Variants in TRPM7 observed in about 807,000 individuals in gnomAD.
TRPM7 encodes LTRPC ion channel family member 7.
A neutral mutation model predicts 229.7 loss-of-function variants in TRPM7; 134 were observed. The ratio of observed to expected loss-of-function variants is 0.58; its 90% confidence interval spans 0.51 to 0.67. TRPM7 has a LOEUF of 0.67. TRPM7 is among the 30% of genes least tolerant of loss of function. The pLI, the probability that TRPM7 is intolerant of heterozygous loss-of-function variation, is 0.00. For synonymous variants in TRPM7, 699 were observed against 715.2 expected, an observed-to-expected ratio of 0.98 and a Z score of 0.36; for missense variants, 1,901 against 2,210.0, an observed-to-expected ratio of 0.86 and a Z score of 2.80.
chr15:50,562,775 A>AC (rs2141422775), intron 38 of TRPM7, among the ~76,000 whole-genome samples: 1 of 151,032 alleles, frequency 6.6e-6, no homozygotes, highest in African/African-American at 2.4e-5. Flanking sequence ...CCTGTCTCAA[A>AC]AAAAAAAAAA....
At chr15:50,654,810 A>G (rs1334790364) in intron 3 of TRPM7, among the ~76,000 whole-genome samples, 1 of 145,634 alleles carries the variant, frequency 6.9e-6, no homozygotes, top group African/African-American at 2.5e-5. Context: ...ATCCTGGCTA[A>G]TAAGGTGAAA....
chr15:50,603,275 TAGC>T (rs992440261), intron 21 of TRPM7, among the ~76,000 whole-genome samples: 1 of 152,118 alleles, frequency 6.6e-6, no homozygotes, highest in Non-Finnish European at 1.5e-5. Flanking sequence ...CTTGTGAGCT[TAGC>T]AGGGTTACTC....
At chr15:50,663,849 GC>G (rs1415495401) in intron 1 of TRPM7, among the ~76,000 whole-genome samples, 1 of 152,132 alleles carries the variant, frequency 6.6e-6, no homozygotes, top group Non-Finnish European at 1.5e-5. Flanking sequence ...TGTAGTCCCA[GC>G]TACTTGGAAG....
At position 50,558,027 on chromosome 15, in the gene TRPM7, T is replaced by C. The variant is rs551409908; in HGVS notation, c.*3651A>G. 4 of 152,336 alleles carry C rather than the reference T, an allele frequency of 2.6e-5. No homozygotes were observed. Among genetic ancestry groups the C allele is most frequent in the African/African-American group, 9.6e-5 (4 of 41,570 alleles). The allele number at this position is 152,336 out of a possible 1,614,324, so 9.4% of individuals were successfully genotyped here. A position where few individuals can be genotyped will look rare whatever the true frequency, so the allele number is the denominator to read the frequency against. ...GTTGAGAATAAAAAATTAAAAAGATTAAGCAAATGACACTTTCACATCATA... is the reference window on the plus strand; with the variant it reads ...GTTGAGAATAAAAAATTAAAAAGATCAAGCAAATGACACTTTCACATCATA... On this transcript the variant is annotated 3_prime_UTR_variant, in exon 39 of 39. Coordinates refer to ENST00000646667, the MANE Select transcript of TRPM7 (RefSeq NM_017672.6).
intron 31 of TRPM7, among the ~76,000 whole-genome samples, chr15:50,577,498 G>T (rs2054191865): frequency 6.6e-6 from 1 of 152,134 alleles, no homozygotes; most frequent in Non-Finnish European, 1.5e-5. Flanking sequence ...AGTGAGCCAA[G>T]ATCACACCAC....
intron 9 of TRPM7, among the ~76,000 whole-genome samples, chr15:50,632,089 G>A (rs1441419880): frequency 6.6e-6 from 1 of 152,100 alleles, no homozygotes; most frequent in African/African-American, 2.4e-5. Flanking sequence ...GATCACGTGA[G>A]GTTAGGAGTT....
rs2059526387 is a variant in TRPM7, at chr15:50,592,336, G to A, written c.3899C>T (p.Ser1300Phe). 1.9e-6 allele frequency: 3 copies of A among 1,613,914 alleles called. No individual in the cohort carries two copies. Among genetic ancestry groups the A allele is most frequent in the Non-Finnish European group, 2.5e-6 (3 of 1,179,962 alleles). Reference sequence around the variant, plus strand: ...TTCAAGATCACCTTGAGGAAGAGAGGAGCTAAGTGTATTTACAACACCATG... The same window carrying A: ...TTCAAGATCACCTTGAGGAAGAGAGAAGCTAAGTGTATTTACAACACCATG... ...KKHGVVNTLS[S>F]SLPQGDLESN... The change falls in exon 26 of 39, where the codon TCC becomes TTC. Residue 1300 changes from serine to phenylalanine, a missense_variant. Physicochemically the swap from Ser to Phe is radical, Grantham distance 155 (BLOSUM62 -2). Coordinates refer to ENST00000646667, the MANE Select transcript of TRPM7 (RefSeq NM_017672.6).
At chr15:50,574,786 A>G in intron 34 of TRPM7, 66 bp downstream of exon 34, 14 of 1,587,820 alleles carry the variant, frequency 8.8e-6, no homozygotes, top group Non-Finnish European at 1.2e-5. Flanking sequence ...TGGCTTATTG[A>G]TATTTCAGAA....
intron 12 of TRPM7, among the ~76,000 whole-genome samples, chr15:50,621,157 CAAAA>C (rs35848629): frequency 1.2e-4 from 6 of 51,848 alleles, no homozygotes; most frequent in Non-Finnish European, 2.3e-4. Flanking sequence ...GACTCCGTCT[CAAAA>C]AAAAAAAAAA....
chr15:50,645,987 C>T (rs2061251746), intron 4 of TRPM7, among the ~76,000 whole-genome samples: 1 of 151,704 alleles, frequency 6.6e-6, no homozygotes, highest in African/African-American at 2.4e-5. Flanking sequence ...ATGGTGAAAC[C>T]CTGTCTGTAA....
chr15:50,629,723 AAAATGAGTAAAGCCATAGG>A (rs2060670283), intron 10 of TRPM7, among the ~76,000 whole-genome samples: 1 of 152,164 alleles, frequency 6.6e-6, no homozygotes, highest in South Asian at 2.1e-4. Context: ...CCTCATCTAT[AAAATGAGTAAAGCCATAGG>A]AAATCTGACT....
Position 50,619,773 on chromosome 15 carries a change from A to C in TRPM7, c.1466T>G (p.Leu489Arg). 1 of 1,599,270 alleles carries C rather than the reference A, an allele frequency of 6.3e-7. No homozygotes were observed. The highest frequency in any genetic ancestry group is 8.5e-7 in the Non-Finnish European group (1 of 1,175,796). ...TTTGACGTCTCGAACAAGATGAAAC[A>C]GCATTGGATTAGTTGGACCTTGTTT... ...NTKQGPTNPMLFHLVRDVKQG... is the reference protein window; with the variant it reads ...NTKQGPTNPMRFHLVRDVKQG... Residue 489 changes from leucine (L) to arginine (R), a missense_variant, in exon 13 of 39, where the codon CTG becomes CGG. Coordinates refer to ENST00000646667, the MANE Select transcript of TRPM7 (RefSeq NM_017672.6).
chr15:50,563,962 C>T (rs2053447212), intron 38 of TRPM7, among the ~76,000 whole-genome samples: 1 of 152,036 alleles, frequency 6.6e-6, no homozygotes, highest in African/African-American at 2.4e-5. Context: ...GTGGTTCAAG[C>T]GATTCTTGTG....
At chr15:50,597,155 A>G (rs2059655133) in intron 22 of TRPM7, among the ~76,000 whole-genome samples, 2 of 152,200 alleles carry the variant, frequency 1.3e-5, no homozygotes, top group African/African-American at 4.8e-5. Context: ...TCTCAATTAT[A>G]CCGTGATTAG....
rs969560076 is a variant in TRPM7 at position 50,684,262 on chromosome 15, C to G, written c.3+2269G>C. Among the ~76,000 whole-genome samples, 4 of 151,552 alleles carry G rather than the reference C, an allele frequency of 2.6e-5. No individual in the cohort carries two copies. In the South Asian group the frequency reaches 8.5e-4, roughly 32 times the overall value. On this transcript the variant is annotated intron_variant, in intron 1 of 38. Transcript: ENST00000646667. ...CCACCTCCCAGGTTCAAGCGATTCT[C>G]CTGCCTTAGCCTCCTGAGTAGCTAG...
chr15:50,612,719 A>T lies in TRPM7; in HGVS notation c.1881T>A (p.Ile627=), dbSNP rs375553874. Residue 627 remains isoleucine, a synonymous_variant, in exon 16 of 39, where the codon ATT becomes ATA. Transcript: ENST00000646667. The part of the protein sequence containing the change: ...RFPYPLNELL[I]WACLMKRQVM... ...CCTGCCTCTTCATAAGGCAAGCCCAAATTAAAAGTTCATTAAGTGGATAAG... is the reference window on the plus strand; with the variant it reads ...CCTGCCTCTTCATAAGGCAAGCCCATATTAAAAGTTCATTAAGTGGATAAG... 48 of 1,614,068 alleles carry T rather than the reference A, an allele frequency of 3.0e-5. No homozygotes were observed. The highest frequency in any genetic ancestry group is 2.2e-4 in the East Asian group (10 of 44,886).
At position 50,592,249 on chromosome 15, in the gene TRPM7, A is replaced by G. The variant is rs754446656; in HGVS notation, c.3986T>C (p.Ile1329Thr). The G allele has an allele frequency of 6.2e-6, 10 of 1,614,130 alleles. No individual in the cohort carries two copies. Among genetic ancestry groups the G allele is most frequent in the Non-Finnish European group, 8.5e-6 (10 of 1,180,020 alleles). ...MKDDKDPQCNIFGQDLPAVPQ... is the reference protein window; with the variant it reads ...MKDDKDPQCNTFGQDLPAVPQ... ...TACTGCAGGTAAGTCTTGACCAAAT[A>G]TATTACACTGGGGATCTTTGTCATC... is the stretch of plus-strand genomic sequence containing the variant. Residue 1329 changes from isoleucine to threonine, a missense_variant, in exon 26 of 39, where the codon ATA (isoleucine) becomes ACA (threonine). Ile to Thr is a moderately conservative substitution (Grantham distance 89). Coordinates refer to ENST00000646667, the MANE Select transcript of TRPM7 (RefSeq NM_017672.6).
intron 3 of TRPM7, among the ~76,000 whole-genome samples, chr15:50,654,618 A>G (rs11070802): frequency 0.34 from 51,210 of 151,186 alleles, 11,418 homozygotes; most frequent in Admixed American, 0.48. Flanking sequence ...GAGAGTGCAC[A>G]TGGTGCATCT....
At chr15:50,605,928 G>C (rs998219260) in intron 20 of TRPM7, among the ~76,000 whole-genome samples, 2 of 151,860 alleles carry the variant, frequency 1.3e-5, no homozygotes, top group Non-Finnish European at 2.9e-5. Flanking sequence ...CTTCTGGTTC[G>C]AGTTGGTGTT....
Sources: gnomAD v4.1 joint callset for allele counts (sites outside exome capture counted in the v4.1 genomes callset) on GRCh38, gnomAD v4.1.1 for gene constraint, MANE v1.5 for transcripts, NCBI Gene and HGNC (gene_info 2026-07-23, HGNC 2026-07-21) for gene names.